Variants in UGT1A3 observed in about 807,000 individuals in gnomAD.
UGT1A3 encodes UDP glucuronosyltransferase family 1 member A3.
A neutral mutation model predicts 41.0 loss-of-function variants in UGT1A3; 31 were observed. The ratio of observed to expected loss-of-function variants is 0.76; its 90% CI spans 0.57 to 1.02. UGT1A3 has a LOEUF of 1.02. Ranked by LOEUF, UGT1A3 falls within the 50% of genes least tolerant of loss-of-function variation. UGT1A3 has a pLI of 0.00. For synonymous variants in UGT1A3, 262 were observed against 257.6 expected, an observed-to-expected ratio of 1.02 and a Z score of -0.17; for missense variants, 737 against 671.0, an observed-to-expected ratio of 1.10 and a Z score of -1.09.
intron 1 of UGT1A3, chr2:233,744,001 A>C (rs2125858946): frequency 2.5e-6 from 3 of 1,207,932 alleles, no homozygotes; most frequent in Admixed American, 2.6e-5. Context: ...GAGTGCTCGG[A>C]GACCTGGGCC....
At position 233,769,852 on chromosome 2, in the gene UGT1A3, T is replaced by C; in HGVS notation, c.1307+1413T>C. On this transcript the variant is annotated intron_variant, in intron 4 of 4. Coordinates refer to ENST00000482026, the MANE Select transcript of UGT1A3 (RefSeq NM_019093.4). The surrounding 1 kb of genome is among the most constrained non-coding windows in gnomAD (Gnocchi z 4.4). ...CAACCTGGGCAACAGAGTGAGACCC[T>C]GTCTCAAAAAAAAAAAAAAAAATGA... The C allele has an allele frequency of 2.2e-6, 1 of 461,208 alleles. No individual in the cohort carries two copies. Among genetic ancestry groups the C allele is most frequent in the South Asian group, 5.8e-5 (1 of 17,366 alleles). The allele number at this position is 461,208 out of a possible 1,614,324, so 28.6% of individuals were successfully genotyped here.
At chr2:233,734,582 T>C (rs1259652945) in intron 1 of UGT1A3, among the ~76,000 whole-genome samples, 1 of 152,210 alleles carries the variant, frequency 6.6e-6, no homozygotes, top group African/African-American at 2.4e-5. Context: ...CTCTTGCTTA[T>C]CTAGTTCTTT....
chr2:233,751,620 T>A (rs1457712151), intron 1 of UGT1A3, among the ~76,000 whole-genome samples: 2 of 152,180 alleles, frequency 1.3e-5, no homozygotes, highest in Non-Finnish European at 2.9e-5. Flanking sequence ...GGTGATTGGA[T>A]CATGTGTGCA....
intron 1 of UGT1A3, among the ~76,000 whole-genome samples, chr2:233,746,235 C>A (rs565676121): frequency 6.6e-6 from 1 of 151,714 alleles, no homozygotes; most frequent in South Asian, 2.1e-4. Flanking sequence ...ATGCAAACTG[C>A]TAAAAGATAC....
chr2:233,752,046 G>A (rs1694879405), intron 1 of UGT1A3, among the ~76,000 whole-genome samples: 1 of 152,240 alleles, frequency 6.6e-6, no homozygotes, highest in African/African-American at 2.4e-5. Flanking sequence ...AAGCTGTTGT[G>A]TGAATGATTT....
Position 233,760,454 on chromosome 2 carries a change from A to C in UGT1A3, c.868-6580A>C, listed in dbSNP as rs140365717. 64 of 1,614,102 alleles carry C rather than the reference A, an allele frequency of 4.0e-5. No homozygotes were observed. The highest frequency in any genetic ancestry group is 5.0e-5 in the Non-Finnish European group (59 of 1,180,050). On this transcript the variant is annotated intron_variant, in intron 1 of 4. Coordinates refer to ENST00000482026, the MANE Select transcript of UGT1A3 (RefSeq NM_019093.4). Reference sequence around the variant, plus strand: ...CAGCAGCTGCAGCAGAGGGGACATGAAATAGTTGTCCTAGCACCTGACGCC... The same window carrying C: ...CAGCAGCTGCAGCAGAGGGGACATGCAATAGTTGTCCTAGCACCTGACGCC...
rs183557056 is a variant in UGT1A3 at position 233,739,734 on chromosome 2, G to A, written c.867+9741G>A. Reference sequence around the variant, plus strand: ...GGAAGGGACTTGACTTGTCTCAGATGAGACCTTGGACTATGGACTTTTGAG... The same window carrying A: ...GGAAGGGACTTGACTTGTCTCAGATAAGACCTTGGACTATGGACTTTTGAG... On this transcript the variant is annotated intron_variant, in intron 1 of 4. Transcript: ENST00000482026. Among the ~76,000 whole-genome samples the A allele has an allele frequency of 9.2e-3, 1,401 of 152,178 alleles. 30 individuals carry two copies. The highest frequency in any genetic ancestry group is 0.032 in the African/African-American group (1,315 of 41,414).
chr2:233,747,901 C>G (rs1437655661), intron 1 of UGT1A3: 1 of 1,613,426 alleles, frequency 6.2e-7, no homozygotes, highest in Non-Finnish European at 8.5e-7. Flanking sequence ...CTTTCTGCTC[C>G]TTATGCAAGC....
In UGT1A3 at chr2:233,729,832, T is replaced by G. The variant is rs1469458626; in HGVS notation, c.706T>G (p.Ser236Ala). Reference protein sequence around the residue: ...AFSAPYASLASELFQREVSVV... With the variant: ...AFSAPYASLAAELFQREVSVV... ...TTCTGCTCCTTATGCAAGCCTTGCC[T>G]CTGAGCTTTTTCAGAGAGAGGTGTC... Residue 236 changes from serine (S) to alanine (A), a missense_variant, in exon 1 of 5, where the codon TCT (serine) becomes GCT (alanine). Coordinates refer to ENST00000482026, the MANE Select transcript of UGT1A3 (RefSeq NM_019093.4). 2 of 1,613,822 alleles carry G rather than the reference T, an allele frequency of 1.2e-6. No individual in the cohort carries two copies. Among genetic ancestry groups the G allele is most frequent in the African/African-American group, 1.3e-5 (1 of 74,902 alleles).
At chr2:233,737,783 T>C (rs2125810890) in intron 1 of UGT1A3, among the ~76,000 whole-genome samples, 1 of 152,286 alleles carries the variant, frequency 6.6e-6, no homozygotes, top group Non-Finnish European at 1.5e-5. Context: ...GTTAACTACA[T>C]TGGCTCAAAT....
chr2:233,754,759 C>T lies in UGT1A3; in HGVS notation c.868-12275C>T, dbSNP rs188420016. 6.3e-5 allele frequency: 56 copies of T among 893,964 alleles called. No individual in the cohort carries two copies. In the African/African-American group the frequency reaches 8.1e-4, roughly 13 times the overall value. 55.4% of individuals were successfully genotyped at this position (893,964 alleles called of 1,614,324 possible). On this transcript the variant is annotated intron_variant, in intron 1 of 4. Transcript: ENST00000482026. ...TAGGACATGCAGAAGGAAGAAAGGCCCCCACTTCCCAGGGAGCCAAAGGAA... is the reference window on the plus strand; with the variant it reads ...TAGGACATGCAGAAGGAAGAAAGGCTCCCACTTCCCAGGGAGCCAAAGGAA...
intron 1 of UGT1A3, among the ~76,000 whole-genome samples, chr2:233,731,894 C>A (rs1470586397): frequency 6.6e-6 from 1 of 152,238 alleles, no homozygotes; most frequent in Non-Finnish European, 1.5e-5. Context: ...AATTTACACT[C>A]CCACCAATGG....
Position 233,768,400 on chromosome 2 carries a change from A to T in UGT1A3, c.1268A>T (p.Asp423Val). The change falls in exon 4 of 5, where the codon GAT becomes GTT. Residue 423 changes from aspartate (D) to valine (V), a missense_variant. Transcript: ENST00000482026. ...TLNVLEMTSE[D>V]LENALKAVIN... ...AATGTTCTGGAAATGACTTCTGAAG[A>T]TTTAGAAAATGCTCTAAAAGCAGTC... The T allele has an allele frequency of 6.2e-7, 1 of 1,614,204 alleles. No homozygotes were observed. The highest frequency in any genetic ancestry group is 8.5e-7 in the Non-Finnish European group (1 of 1,180,040).
intron 1 of UGT1A3, among the ~76,000 whole-genome samples, chr2:233,765,157 C>T (rs1698767071): frequency 6.6e-6 from 1 of 152,114 alleles, no homozygotes; most frequent in African/African-American, 2.4e-5. Context: ...CTAGGGAACC[C>T]CTCAGTTTGG....
At chr2:233,748,125 T>A in intron 1 of UGT1A3, 1 of 1,610,546 alleles carries the variant, frequency 6.2e-7, no homozygotes, top group Middle Eastern at 2.0e-4. Context: ...GGCAAAACAG[T>A]TTTTAAAAAT....
chr2:233,756,853 G>A (rs1211591788), intron 1 of UGT1A3, among the ~76,000 whole-genome samples: 2 of 151,934 alleles, frequency 1.3e-5, no homozygotes, highest in Non-Finnish European at 2.9e-5. Flanking sequence ...ACATTCTAAC[G>A]GTTCATAAAG....
At chr2:233,749,725 C>T in intron 1 of UGT1A3, among the ~76,000 whole-genome samples, 1 of 151,866 alleles carries the variant, frequency 6.6e-6, no homozygotes, top group East Asian at 1.9e-4. Flanking sequence ...GGCAGTTTCG[C>T]ACCTGCTGGT....
chr2:233,754,801 A>T, intron 1 of UGT1A3: 1 of 1,269,324 alleles, frequency 7.9e-7, no homozygotes, highest in Non-Finnish European at 1.1e-6. Flanking sequence ...CCTGTATCAA[A>T]AGAAGAAAAA....
At chr2:233,770,165 A>G (rs941175167) in intron 4 of UGT1A3, 2 of 152,226 alleles carry the variant, frequency 1.3e-5, no homozygotes, top group Admixed American at 1.3e-4. Context: ...ACACAAATCA[A>G]TGAGCTCAAC....
Sources: allele counts gnomAD v4.1 joint callset (sites outside exome capture counted in the v4.1 genomes callset), GRCh38; gene constraint gnomAD v4.1.1; non-coding constraint Gnocchi (gnomAD v3.1); transcripts MANE v1.5; gene names NCBI Gene and HGNC (gene_info 2026-07-23, HGNC 2026-07-21).